Variants in USP38 observed in about 807,000 individuals in gnomAD.
USP38 encodes ubiquitin carboxyl-terminal hydrolase 38.
Under a neutral mutation model 94.3 loss-of-function variants are expected in USP38, and 49 were observed. That is an observed-to-expected ratio of 0.52 (90% CI 0.41 to 0.66). The LOEUF is 0.66. Among genes scored for constraint, USP38 ranks in the 30% least tolerant of loss-of-function variants. The probability of loss-of-function intolerance (pLI) is 0.00; values close to 1 mark genes in which losing one functional copy is unlikely to be tolerated. For missense variants in USP38, 1,128 were observed against 1,229.4 expected, an observed-to-expected ratio of 0.92 and a Z score of 1.23; for synonymous variants, 468 against 463.6, an observed-to-expected ratio of 1.01 and a Z score of -0.12.
At chr4:143,189,605 C>T (rs1731335910) in intron 2 of USP38, among the ~76,000 whole-genome samples, 1 of 152,014 alleles carries the variant, frequency 6.6e-6, no homozygotes, top group South Asian at 2.1e-4. Context: ...CCTCTTCTAG[C>T]GTTTCTTCTT....
Position 143,222,646 on chromosome 4 carries a change from C to A in USP38, c.*2190C>A, listed in dbSNP as rs1037263212. 2.6e-5 allele frequency: 4 copies of A among 152,006 alleles called. No individual in the cohort carries two copies. The highest frequency in any genetic ancestry group is 2.6e-4 in the Admixed American group (4 of 15,250). 9.4% of individuals were successfully genotyped at this position (152,006 alleles called of 1,614,324 possible). On this transcript the variant is annotated 3_prime_UTR_variant, in exon 10 of 10. Transcript: ENST00000307017. ...ATTCAAATGATAACTCATACCAGTA[C>A]CAAAAACTTGAAGACTTCCTTTTAA...
intron 9 of USP38, 107 bp from the exon 10 acceptor site, chr4:143,220,188 G>T (rs780273207): frequency 9.4e-5 from 112 of 1,196,470 alleles, no homozygotes; most frequent in Non-Finnish European, 1.2e-4. Flanking sequence ...ATTGAGATTT[G>T]AAGAATGTTT....
Position 143,214,059 on chromosome 4 carries a change from A to G in USP38, c.2083A>G (p.Asn695Asp), listed in dbSNP as rs149188652. The G allele has an allele frequency of 1.7e-4, 279 of 1,613,618 alleles. No homozygotes were observed. The African/African-American group carries it at 3.1e-3, about 18-fold the overall frequency. ...FYCSENTSVPNESNKILVNKD... is the reference protein window; with the variant it reads ...FYCSENTSVPDESNKILVNKD... The stretch of plus-strand genomic sequence containing the variant: ...CTGTTCTGAAAACACTTCTGTCCCT[A>G]ACGAATCTAACAAGATTCTTGTTAA... The change falls in exon 9 of 10, where the codon AAC becomes GAC. Residue 695 changes from asparagine (N) to aspartate (D), a missense_variant. By Grantham distance (23) the Asn-to-Asp change is conservative. Transcript: ENST00000307017.
intron 1 of USP38, among the ~76,000 whole-genome samples, chr4:143,187,416 T>C (rs1731262203): frequency 6.6e-6 from 1 of 152,190 alleles, no homozygotes; most frequent in Non-Finnish European, 1.5e-5. Context: ...TAGAGGGATG[T>C]AATGATCAAT....
chr4:143,212,337 G>A lies in USP38; in HGVS notation c.1517G>A (p.Arg506Gln), dbSNP rs538134429. ...AHTQREAYAP[R>Q]IFFEASRPPW... is the part of the protein sequence containing the mutation. ...CAAAAGAGGGAAGCATACGCACCTCGGATATTCTTTGAGGCTTCCAGACCT... is the reference window on the plus strand; with the variant it reads ...CAAAAGAGGGAAGCATACGCACCTCAGATATTCTTTGAGGCTTCCAGACCT... Residue 506 changes from arginine (R) to glutamine (Q), a missense_variant, in exon 8 of 10, where the codon CGG becomes CAG. Arg to Gln is a conservative substitution (Grantham distance 43). Coordinates refer to ENST00000307017, the MANE Select transcript of USP38 (RefSeq NM_032557.6). 16 of 1,610,512 alleles carry A rather than the reference G, an allele frequency of 9.9e-6. No homozygotes were observed. The highest frequency in any genetic ancestry group is 5.5e-5 in the South Asian group (5 of 90,702).
At chr4:143,218,171 T>G (rs1005933120) in intron 9 of USP38, among the ~76,000 whole-genome samples, 3 of 152,140 alleles carry the variant, frequency 2.0e-5, no homozygotes, top group Non-Finnish European at 2.9e-5. Flanking sequence ...TTATTTTCTT[T>G]TTCATACATT....
intron 2 of USP38, among the ~76,000 whole-genome samples, chr4:143,193,118 C>G (rs1033932518): frequency 3.9e-5 from 6 of 152,110 alleles, no homozygotes; most frequent in African/African-American, 1.4e-4. Flanking sequence ...CTCACACATA[C>G]CCTGCCTTTA....
chr4:143,214,466 T>C lies in USP38; in HGVS notation c.2490T>C (p.Asp830=), dbSNP rs1236693495. The C allele has an allele frequency of 6.2e-7, 1 of 1,613,544 alleles. No individual in the cohort carries two copies. Among genetic ancestry groups the C allele is most frequent in the Admixed American group, 1.7e-5 (1 of 59,920 alleles). The change falls in exon 9 of 10, where the codon GAT becomes GAC. Residue 830 remains aspartate (D), a synonymous_variant. Coordinates refer to ENST00000307017, the MANE Select transcript of USP38 (RefSeq NM_032557.6). ...LAKKLKPSGT[D]EASCTKLVPY... is the part of the protein sequence containing the mutation. ...AAAAATTAAAGCCTTCAGGGACTGATGAAGCTTCCTGCACAAAATTGGTGC... is the reference window on the plus strand; with the variant it reads ...AAAAATTAAAGCCTTCAGGGACTGACGAAGCTTCCTGCACAAAATTGGTGC...
chr4:143,201,228 C>T (rs1004770940), intron 4 of USP38, among the ~76,000 whole-genome samples: 3 of 152,146 alleles, frequency 2.0e-5, no homozygotes, highest in Non-Finnish European at 4.4e-5. Flanking sequence ...GACGAAGCTG[C>T]ACACCTATGA....
chr4:143,214,339 T>C lies in USP38; in HGVS notation c.2363T>C (p.Leu788Pro), dbSNP rs1285046261. ...RKILDNVSLP[L>P]VLELPVKRIT... ...ATTTTAGACAATGTATCACTGCCAC[T>C]GGTTTTGGAGTTGCCAGTTAAAAGA... The change falls in exon 9 of 10, where the codon CTG (leucine) becomes CCG (proline). Residue 788 changes from leucine (L) to proline (P), a missense_variant. Transcript: ENST00000307017. 2 of 1,613,364 alleles carry C rather than the reference T, an allele frequency of 1.2e-6. No homozygotes were observed. Among genetic ancestry groups the C allele is most frequent in the Non-Finnish European group, 1.7e-6 (2 of 1,179,752 alleles).
rs1371420479 is a variant in USP38 at position 143,206,150 on chromosome 4, G to A, written c.1327G>A (p.Gly443Arg). 1 of 1,613,552 alleles carries A rather than the reference G, an allele frequency of 6.2e-7. No individual in the cohort carries two copies. Among genetic ancestry groups the A allele is most frequent in the East Asian group, 2.2e-5 (1 of 44,836 alleles). ...TAGACTTTCTGGAAAATCTGAAACT[G>A]GGAAAACTGGTCTTATTAACCTAGG... ...LSRLSGKSET[G>R]KTGLINLGNT... The change falls in exon 6 of 10, where the codon GGG becomes AGG. Residue 443 changes from glycine to arginine, a missense_variant. By Grantham distance (125) the Gly-to-Arg change is moderately radical. Coordinates refer to ENST00000307017, the MANE Select transcript of USP38 (RefSeq NM_032557.6).
chr4:143,209,015 C>T (rs1731952207), intron 6 of USP38, among the ~76,000 whole-genome samples: 1 of 150,384 alleles, frequency 6.6e-6, no homozygotes, highest in Non-Finnish European at 1.5e-5. Flanking sequence ...TTTTCCCACG[C>T]TCTATTCTTT....
intron 9 of USP38, among the ~76,000 whole-genome samples, chr4:143,216,928 G>C (rs1732200864): frequency 6.6e-6 from 1 of 152,088 alleles, no homozygotes; most frequent in Non-Finnish European, 1.5e-5. Context: ...TCAGGTCTCG[G>C]ATAACCAAGT....
intron 1 of USP38, among the ~76,000 whole-genome samples, chr4:143,187,556 AAAATT>A (rs1258284012): frequency 6.6e-6 from 1 of 152,214 alleles, no homozygotes; most frequent in Non-Finnish European, 1.5e-5. Context: ...TAAATTATGA[AAAATT>A]AAAGTAACTT....
chr4:143,185,961 C>G lies in USP38; in HGVS notation c.511C>G (p.Leu171Val), dbSNP rs918095231. The change falls in exon 1 of 10, where the codon CTG becomes GTG. Residue 171 changes from leucine (L) to valine (V), a missense_variant. Coordinates refer to ENST00000307017, the MANE Select transcript of USP38 (RefSeq NM_032557.6). ...GKLSITFCQQ[L>V]VRTIGHFQCV... ...ATTGTCCATCACGTTCTGTCAACAGCTGGTTCGAACGATAGGCCATTTCCA... is the reference window on the plus strand; with the variant it reads ...ATTGTCCATCACGTTCTGTCAACAGGTGGTTCGAACGATAGGCCATTTCCA... 1.2e-6 allele frequency: 2 copies of G among 1,614,042 alleles called. No homozygotes were observed. Among genetic ancestry groups the G allele is most frequent in the African/African-American group, 2.7e-5 (2 of 74,912 alleles).
At chr4:143,212,130 T>C (rs1209883123) in intron 7 of USP38, among the ~76,000 whole-genome samples, 188 bp from the exon 8 acceptor site, 1 of 152,194 alleles carries the variant, frequency 6.6e-6, no homozygotes, top group Non-Finnish European at 1.5e-5. Context: ...TGAGAAGTTA[T>C]GACTAAAGAT....
At position 143,214,650 on chromosome 4, in the gene USP38, G is replaced by A. The variant is rs1054491398; in HGVS notation, c.2674G>A (p.Gly892Arg). Residue 892 changes from glycine to arginine, a missense_variant, in exon 9 of 10, where the codon GGG becomes AGG. Gly to Arg is a moderately radical substitution (Grantham distance 125, BLOSUM62 -2). Coordinates refer to ENST00000307017, the MANE Select transcript of USP38 (RefSeq NM_032557.6). ...AGCATCCTCCCAGAGTCATTTACTA[G>A]GGAGAGATAGTCCCAGTGCAGTTTT... ...ALASSQSHLL[G>R]RDSPSAVFEQ... is the part of the protein sequence containing the mutation. 10 of 1,613,516 alleles carry A rather than the reference G, an allele frequency of 6.2e-6. No individual in the cohort carries two copies. The African/African-American group carries it at 1.1e-4, about 17-fold the overall frequency.
At chr4:143,215,439 G>C (rs1732160356) in intron 9 of USP38, 1 of 152,762 alleles carries the variant, frequency 6.5e-6, no homozygotes, top group Non-Finnish European at 1.5e-5. Flanking sequence ...AAACCAAGGA[G>C]ATAATAGAAC....
At chr4:143,208,498 AC>A (rs897275838) in intron 6 of USP38, among the ~76,000 whole-genome samples, 8 of 152,128 alleles carry the variant, frequency 5.3e-5, no homozygotes, top group Middle Eastern at 3.2e-3. Context: ...ACCTTTAGCA[AC>A]AAATCAGCCT....
Sources: allele counts gnomAD v4.1 joint callset (sites outside exome capture counted in the v4.1 genomes callset), GRCh38; gene constraint gnomAD v4.1.1; transcripts MANE v1.5; gene names NCBI Gene and HGNC (gene_info 2026-07-23, HGNC 2026-07-21).